DMD: variants seen among roughly 807,000 people sequenced by gnomAD.
DMD encodes mutant dystrophin.
Under a neutral mutation model 330.1 loss-of-function variants are expected in DMD, and 63 were observed. That is an observed-to-expected ratio of 0.19 (90% CI 0.16 to 0.24). The LOEUF (loss-of-function observed/expected upper bound fraction) is 0.24, where lower values mean the gene tolerates loss of function less well. Ranked by LOEUF, DMD falls within the 10% of genes least tolerant of loss-of-function variation. The pLI, the probability that DMD is intolerant of heterozygous loss-of-function variation, is 1.00. For missense variants in DMD, 3,344 were observed against 2,684.1 expected (o/e 1.25, Z -5.43); for synonymous variants, 1,223 against 959.8 (o/e 1.27, Z -5.07).
intron 60 of DMD, among the ~76,000 whole-genome samples, chrX:31,361,918 C>A (rs769542652): frequency 1.8e-4 from 20 of 110,982 alleles, no homozygotes; most frequent in Admixed American, 9.5e-4. Context: ...TACAGGCATG[C>A]GCCAACCCAC....
chrX:31,187,597 AAG>A (rs1414028358), intron 67 of DMD, among the ~76,000 whole-genome samples: 1 of 111,147 alleles, frequency 9.0e-6, no homozygotes, highest in Non-Finnish European at 1.9e-5. Flanking sequence ...AAATTAATGA[AAG>A]AAACAGTGCA....
Position 32,104,321 on chromosome X carries a change from C to T in DMD, c.6438+112595G>A, listed in dbSNP as rs762002340. ...GTGCTTTGCTACTTCACAGTAACCA[C>T]ATGATAAAGAACTATGAATAGCCCT... On this transcript the variant is annotated intron_variant, in intron 44 of 78. Coordinates refer to ENST00000357033, the MANE Select transcript of DMD (RefSeq NM_004006.3). Among the ~76,000 whole-genome samples the T allele has an allele frequency of 6.3e-5, 7 of 111,760 alleles. No homozygotes were observed. The East Asian group carries it at 1.4e-3, about 23-fold the overall frequency.
chrX:32,536,264 CAA>C (rs1191335690), intron 17 of DMD, among the ~76,000 whole-genome samples: 940 of 36,383 alleles, frequency 0.026, 37 homozygotes, highest in African/African-American at 0.11. Flanking sequence ...ACTCCGTCTC[CAA>C]AAAAAAAAAA....
intron 1 of DMD, among the ~76,000 whole-genome samples, chrX:33,298,232 C>A (rs141927233): frequency 0.2 from 21,550 of 110,313 alleles, 1,583 homozygotes; most frequent in Admixed American, 0.26. Flanking sequence ...ATAGTTCCTT[C>A]ATGTTTTAAT....
At chrX:32,756,257 G>A (rs778828822) in intron 7 of DMD, 3 of 111,820 alleles carry the variant, frequency 2.7e-5, no homozygotes, top group South Asian at 7.4e-4. Context: ...TGGACTTTTC[G>A]TAGAAGAAAT....
chrX:33,067,389 C>T (rs1338926095), intron 1 of DMD, among the ~76,000 whole-genome samples: 1 of 112,032 alleles, frequency 8.9e-6, no homozygotes, highest in African/African-American at 3.2e-5. Context: ...TACAAAGATT[C>T]CAGGCAAAGA....
chrX:32,537,088 A>G (rs746042107), intron 17 of DMD, among the ~76,000 whole-genome samples: 1 of 111,989 alleles, frequency 8.9e-6, no homozygotes, highest in African/African-American at 3.2e-5. Flanking sequence ...AGATATCAAG[A>G]CCACTGTGAA....
chrX:31,933,185 G>A (rs2094880543), intron 45 of DMD, among the ~76,000 whole-genome samples: 1 of 112,397 alleles, frequency 8.9e-6, no homozygotes, highest in South Asian at 3.6e-4. Context: ...TTTTGTTTAA[G>A]TAGCAGCCAT....
At chrX:31,861,637 C>CGT (rs2093700361) in intron 48 of DMD, among the ~76,000 whole-genome samples, 1 of 54,271 alleles carries the variant, frequency 1.8e-5, no homozygotes, top group Non-Finnish European at 3.5e-5. Context: ...AAAATAATCA[C>CGT]CTGTGTGTGT....
intron 41 of DMD, among the ~76,000 whole-genome samples, chrX:32,330,743 A>G (rs192759817): frequency 1.4e-4 from 16 of 111,083 alleles, no homozygotes; most frequent in African/African-American, 4.6e-4. Flanking sequence ...GTTGTCTGGC[A>G]CTTAGGAGGC....
At chrX:31,639,273 T>C (rs995809497) in intron 54 of DMD, among the ~76,000 whole-genome samples, 2 of 111,459 alleles carry the variant, frequency 1.8e-5, no homozygotes, top group African/African-American at 6.5e-5. Context: ...GGAGAGGGAA[T>C]GAAGATGGTA....
At chrX:31,241,187 A>G (rs1175763232) in intron 63 of DMD, among the ~76,000 whole-genome samples, 1 of 111,684 alleles carries the variant, frequency 9.0e-6, no homozygotes, top group East Asian at 2.8e-4. Context: ...CCCTTTTCAA[A>G]TGGCTTTAGA....
At chrX:31,138,736 T>G (rs1284093727) in intron 76 of DMD, among the ~76,000 whole-genome samples, 1 of 106,256 alleles carries the variant, frequency 9.4e-6, no homozygotes, top group Non-Finnish European at 1.9e-5. Flanking sequence ...TCCTGAGAAC[T>G]CACTCACTAT....
At chrX:33,008,840 A>T (rs1368344007) in intron 2 of DMD, among the ~76,000 whole-genome samples, 2 of 99,126 alleles carry the variant, frequency 2.0e-5, no homozygotes, top group African/African-American at 3.7e-5. Context: ...ATATATATAC[A>T]CATATATGTA....
chrX:33,130,544 C>CTA (rs57119968), intron 1 of DMD, among the ~76,000 whole-genome samples: 3,099 of 106,047 alleles, frequency 0.029, 134 homozygotes, highest in African/African-American at 0.099. Context: ...CTAGTAGGGA[C>CTA]TATATATATA....
intron 43 of DMD, among the ~76,000 whole-genome samples, chrX:32,264,759 G>T (rs1175805579): frequency 2.7e-5 from 3 of 111,836 alleles, no homozygotes; most frequent in Non-Finnish European, 1.9e-5. Flanking sequence ...TTTTGCCCCT[G>T]TCCGAGAGAT....
chrX:33,093,688 C>G (rs1262297717), intron 1 of DMD, among the ~76,000 whole-genome samples: 2 of 111,259 alleles, frequency 1.8e-5, no homozygotes, highest in Non-Finnish European at 3.8e-5. Flanking sequence ...TTGTTTTACT[C>G]AATTGTAACA....
intron 7 of DMD, among the ~76,000 whole-genome samples, chrX:32,749,512 T>C (rs948469916): frequency 1.8e-5 from 2 of 112,667 alleles, no homozygotes; most frequent in Admixed American, 9.4e-5. Context: ...TTAAACAGTT[T>C]ATAAATTATC....
At chrX:31,908,148 A>T (rs1330355384) in intron 47 of DMD, among the ~76,000 whole-genome samples, 1 of 112,281 alleles carries the variant, frequency 8.9e-6, no homozygotes, top group Non-Finnish European at 1.9e-5. Context: ...ATTGTGGAAG[A>T]CAGTGTGGCG....
Sources: gnomAD v4.1 joint callset for allele counts (sites outside exome capture counted in the v4.1 genomes callset) on GRCh38, gnomAD v4.1.1 for gene constraint, MANE v1.5 for transcripts, NCBI Gene and HGNC (gene_info 2026-07-23, HGNC 2026-07-21) for gene names.